CCDC122: variants seen among roughly 807,000 people sequenced by gnomAD.
CCDC122 encodes the protein coiled-coil domain-containing protein 122.
In CCDC122, 38 loss-of-function variants were observed where a neutral mutation model predicts 37.0. The ratio of observed to expected loss-of-function variants is 1.03; its 90% confidence interval spans 0.79 to 1.35. The LOEUF (loss-of-function observed/expected upper bound fraction) is 1.35, where lower values mean the gene tolerates loss of function less well. Ranked by LOEUF, CCDC122 falls within the 40% of genes most tolerant of loss-of-function variation. The pLI, the probability that CCDC122 is intolerant of heterozygous loss-of-function variation, is 0.00. For missense variants in CCDC122, 305 were observed against 310.0 expected (o/e 0.98, Z 0.12); for synonymous variants, 83 against 95.6 (o/e 0.87, Z 0.77).
At chr13:43,858,973 ATAATT>A (rs1363540784) in intron 5 of CCDC122, 76 bp from the exon 6 acceptor site, 3 of 1,175,776 alleles carry the variant, frequency 2.6e-6, no homozygotes, top group Non-Finnish European at 3.4e-6. Context: ...CAGTGTTTCT[ATAATT>A]TAAGAAAACT....
At position 43,855,676 on chromosome 13, in the gene CCDC122, AAAAAAT is replaced by A. The variant is rs1169808608; in HGVS notation, c.672+3099_672+3104del. On this transcript the variant is annotated intron_variant, in intron 6 of 6. Transcript: ENST00000444614. ...CCATCATCACTAGTATCAAAAAGTA[AAAAAAT>A]AAAACAAAACAAACAAACAAACAAA... 3 of 128,944 alleles carry A rather than the reference AAAAAAT, an allele frequency of 2.3e-5. No homozygotes were observed. The East Asian group carries it at 7.5e-4, about 32-fold the overall frequency. The allele number at this position is 128,944 out of a possible 1,614,324, so 8.0% of individuals were successfully genotyped here. A position where few individuals can be genotyped will look rare whatever the true frequency, so the allele number is the denominator to read the frequency against.
chr13:43,831,356 A>G (rs1045721297), downstream of CCDC122, among the ~76,000 whole-genome samples: 11 of 152,324 alleles, frequency 7.2e-5, no homozygotes, highest in African/African-American at 2.6e-4. Flanking sequence ...TGAAGACAAA[A>G]TAACTAATGC....
chr13:43,875,580 G>T (rs1292693678), intron 1 of CCDC122, among the ~76,000 whole-genome samples: 1 of 152,210 alleles, frequency 6.6e-6, no homozygotes. Context: ...ATTATCTACA[G>T]TAACCAGTCC....
chr13:43,859,993 T>C lies in CCDC122; in HGVS notation c.234A>G (p.Gln78=), dbSNP rs1440334125. The part of the protein sequence containing the change: ...ETKETERQIY[Q]QDSAIENTKL... ...TGGTATTCTCTATGGCAGAATCTTG[T>C]TGATAAATTTGTCTTTCTGTTTCTT... Residue 78 remains glutamine (Q), a synonymous_variant, in exon 5 of 7, where the codon CAA becomes CAG. Transcript: ENST00000444614. The C allele has an allele frequency of 1.9e-6, 3 of 1,589,430 alleles. No homozygotes were observed. Among genetic ancestry groups the C allele is most frequent in the Admixed American group, 1.8e-5 (1 of 56,314 alleles).
At chr13:43,865,233 T>A (rs939305576) in intron 4 of CCDC122, among the ~76,000 whole-genome samples, 12 of 152,060 alleles carry the variant, frequency 7.9e-5, no homozygotes, top group Non-Finnish European at 1.0e-4. Flanking sequence ...GGGAGTAGGT[T>A]GTGAGAACCT....
At chr13:43,845,781 C>T (rs1271672078) in intron 6 of CCDC122, among the ~76,000 whole-genome samples, 1 of 152,138 alleles carries the variant, frequency 6.6e-6, no homozygotes, top group African/African-American at 2.4e-5. Flanking sequence ...GGAACAAAGT[C>T]CACCAACTGT....
intron 4 of CCDC122, among the ~76,000 whole-genome samples, chr13:43,866,028 C>T (rs1228138926): frequency 3.9e-5 from 6 of 152,082 alleles, no homozygotes; most frequent in Admixed American, 2.0e-4. Flanking sequence ...ATAACTGAGA[C>T]GACTACTAAG....
At position 43,836,368 on chromosome 13, in the gene CCDC122, A is replaced by G. The variant is rs1373198149; in HGVS notation, c.*912T>C. The G allele has an allele frequency of 3.3e-5, 5 of 152,318 alleles. No individual in the cohort carries two copies. The South Asian group carries it at 8.3e-4, about 25-fold the overall frequency. The allele number at this position is 152,318 out of a possible 1,614,324, so 9.4% of individuals were successfully genotyped here. A position where few individuals can be genotyped will look rare whatever the true frequency, so the allele number is the denominator to read the frequency against. On this transcript the variant is annotated 3_prime_UTR_variant, in exon 7 of 7. Coordinates refer to ENST00000444614, the MANE Select transcript of CCDC122 (RefSeq NM_144974.5). ...TACGAATAATTTATAGAAAGTGAAC[A>G]AAATATTTTATTCATCGTATCACTC...
chr13:43,878,147 A>G (rs180928627), intron 1 of CCDC122: 1 of 152,184 alleles, frequency 6.6e-6, no homozygotes, highest in East Asian at 1.9e-4. Flanking sequence ...TACGAATCCC[A>G]CCATTGTAAA....
chr13:43,861,657 T>C (rs1415395473), intron 4 of CCDC122, among the ~76,000 whole-genome samples: 2 of 152,168 alleles, frequency 1.3e-5, no homozygotes, highest in Non-Finnish European at 2.9e-5. Context: ...ATCCTTTTCC[T>C]GGCAGAGAAA....
chr13:43,836,944 C>G lies in CCDC122; in HGVS notation c.*336G>C, dbSNP rs1953184121. The G allele has an allele frequency of 5.8e-6, 1 of 172,738 alleles. No individual in the cohort carries two copies. Among genetic ancestry groups the G allele is most frequent in the Non-Finnish European group, 1.2e-5 (1 of 83,206 alleles). 10.7% of individuals were successfully genotyped at this position (172,738 alleles called of 1,614,324 possible). A position where few individuals can be genotyped will look rare whatever the true frequency, so the allele number is the denominator to read the frequency against. On this transcript the variant is annotated 3_prime_UTR_variant, in exon 7 of 7. Coordinates refer to ENST00000444614, the MANE Select transcript of CCDC122 (RefSeq NM_144974.5). ...ATCAGTGAAAATTCGAGTGTTTTTT[C>G]CCTTCTAAATTTTTACTTCATAGGG...
chr13:43,834,873 T>G (rs1205743889), downstream of CCDC122, among the ~76,000 whole-genome samples: 3 of 152,114 alleles, frequency 2.0e-5, no homozygotes, highest in African/African-American at 7.2e-5. Context: ...GACTGTAAAC[T>G]AGTTCAACCA....
intron 6 of CCDC122, among the ~76,000 whole-genome samples, chr13:43,852,678 A>C (rs1182065391): frequency 2.0e-5 from 3 of 152,012 alleles, no homozygotes; most frequent in African/African-American, 7.2e-5. Flanking sequence ...CCCAAGATGC[A>C]TAATTTTCAG....
chr13:43,833,033 A>G (rs1262067941), downstream of CCDC122, among the ~76,000 whole-genome samples: 1 of 152,208 alleles, frequency 6.6e-6, no homozygotes, highest in Non-Finnish European at 1.5e-5. Context: ...AGTCTAACAG[A>G]CAATATATAG....
At chr13:43,831,507 A>G (rs977795644), downstream of CCDC122, among the ~76,000 whole-genome samples, 1 of 152,216 alleles carries the variant, frequency 6.6e-6, no homozygotes, top group African/African-American at 2.4e-5. Flanking sequence ...TATTTCATGT[A>G]AAATAATGTT....
intron 2 of CCDC122, among the ~76,000 whole-genome samples, chr13:43,874,093 T>G (rs1201168679): frequency 6.6e-6 from 1 of 152,200 alleles, no homozygotes; most frequent in East Asian, 1.9e-4. Context: ...TCTTTCTCTT[T>G]TTAGAAGAAT....
chr13:43,858,894 C>A lies in CCDC122; in HGVS notation c.559G>T (p.Asp187Tyr). ...ATTTTATCCTTTAAGTTTGTAATGT[C>A]TTCCTGTATGTTGACAACATTTGAA... ...GGNRITQVQE[D>Y]ITNLKDKIIT... The change falls in exon 6 of 7, where the codon GAC becomes TAC. Residue 187 changes from aspartate (D) to tyrosine (Y), a missense_variant. Physicochemically the swap from Asp to Tyr is radical, Grantham distance 160. Transcript: ENST00000444614. 2 of 1,397,668 alleles carry A rather than the reference C, an allele frequency of 1.4e-6. No individual in the cohort carries two copies. Among genetic ancestry groups the A allele is most frequent in the Non-Finnish European group, 9.6e-7 (1 of 1,041,348 alleles). The allele number at this position is 1,397,668 out of a possible 1,614,324, so 86.6% of individuals were successfully genotyped here.
At chr13:43,869,782 T>G (rs1437496232) in intron 2 of CCDC122, among the ~76,000 whole-genome samples, 1 of 152,026 alleles carries the variant, frequency 6.6e-6, no homozygotes, top group Non-Finnish European at 1.5e-5. Flanking sequence ...TTTGGGTTAG[T>G]ATTAATAGTA....
At chr13:43,850,419 C>T (rs1207275028) in intron 6 of CCDC122, among the ~76,000 whole-genome samples, 1 of 151,976 alleles carries the variant, frequency 6.6e-6, no homozygotes, top group Non-Finnish European at 1.5e-5. Flanking sequence ...CTTCAATAAA[C>T]AATTACAAAC....
Sources: gnomAD v4.1 joint callset for allele counts (sites outside exome capture counted in the v4.1 genomes callset) on GRCh38, gnomAD v4.1.1 for gene constraint, MANE v1.5 for transcripts, NCBI Gene and HGNC (gene_info 2026-07-23, HGNC 2026-07-21) for gene names.